The following SLC25A12 variants were observed in gnomAD, a reference collection of about 807,000 sequenced individuals.
SLC25A12 encodes the protein solute carrier family 25 member 12, also known as electrogenic aspartate/glutamate antiporter SLC25A12, mitochondrial.
A neutral mutation model predicts 83.3 loss-of-function variants in SLC25A12; 32 were observed. The observed-to-expected ratio is 0.38, with a 90% CI of 0.29 to 0.52. The LOEUF is 0.52. Ranked by LOEUF, SLC25A12 falls within the 20% of genes least tolerant of loss-of-function variation. The pLI is 0.84. For synonymous variants in SLC25A12, 267 were observed against 291.1 expected (o/e 0.92, Z 0.84); for missense variants, 611 against 835.6 (o/e 0.73, Z 3.31).
At chr2:171,820,248 C>T (rs188584754) in intron 9 of SLC25A12, among the ~76,000 whole-genome samples, 2,624 of 149,270 alleles carry the variant, frequency 0.018, 24 homozygotes, top group Admixed American at 0.025. Context: ...CTTAATAATT[C>T]TAATGATGTT....
At chr2:171,871,611 T>C (rs773928787) in intron 2 of SLC25A12, 31 of 531,712 alleles carry the variant, frequency 5.8e-5, no homozygotes, top group Non-Finnish European at 7.5e-5. Flanking sequence ...TGAGCCACCG[T>C]GCCGGGCCCT....
rs563508643 is a variant in SLC25A12, at chr2:171,833,422, G to C, written c.845+541C>G. On this transcript the variant is annotated intron_variant, in intron 8 of 17. Transcript: ENST00000422440. ...AGCAGATGTAACAGAGGAGAAGAAA[G>C]AAACACAGGGTCTGGACACAGGGAG... Among the ~76,000 whole-genome samples the C allele has an allele frequency of 2.6e-5, 4 of 152,150 alleles. No individual in the cohort carries two copies. In the East Asian group the frequency reaches 7.8e-4, roughly 30 times the overall value.
chr2:171,867,339 C>G (rs1685354089), intron 3 of SLC25A12, among the ~76,000 whole-genome samples: 1 of 151,806 alleles, frequency 6.6e-6, no homozygotes, highest in African/African-American at 2.4e-5. Context: ...CCAGCCTGGG[C>G]ACCATTGAGC....
At position 171,785,382 on chromosome 2, in the gene SLC25A12, T is replaced by C; in HGVS notation, c.1929A>G (p.Thr643=). 1 of 1,614,220 alleles carries C rather than the reference T, an allele frequency of 6.2e-7. No homozygotes were observed. The highest frequency in any genetic ancestry group is 8.5e-7 in the Non-Finnish European group (1 of 1,180,042). The change falls in exon 18 of 18, where the codon ACA becomes ACG. Residue 643 remains threonine (T), a synonymous_variant. Coordinates refer to ENST00000422440, the MANE Select transcript of SLC25A12 (RefSeq NM_003705.5). ...TGTTTTCGATGCCTGCAAACGTGGCTGTGGCGAGTCTGTATCCACCGATGT... is the reference window on the plus strand; with the variant it reads ...TGTTTTCGATGCCTGCAAACGTGGCCGTGGCGAGTCTGTATCCACCGATGT... The part of the protein sequence containing the change: ...PDHIGGYRLA[T]ATFAGIENKF...
chr2:171,834,641 A>G, intron 7 of SLC25A12, 86 bp downstream of exon 7: 3 of 1,434,184 alleles, frequency 2.1e-6, no homozygotes, highest in South Asian at 2.3e-5. Flanking sequence ...CTGGCTTTAG[A>G]GTGGTAAGCT....
chr2:171,820,470 T>A (rs1684162760), intron 9 of SLC25A12, among the ~76,000 whole-genome samples: 1 of 151,674 alleles, frequency 6.6e-6, no homozygotes, highest in South Asian at 2.1e-4. Flanking sequence ...GGCTCACGCC[T>A]GTAATCCCAA....
At chr2:171,796,100 C>T (rs1307071798) in intron 13 of SLC25A12, among the ~76,000 whole-genome samples, 1 of 152,134 alleles carries the variant, frequency 6.6e-6, no homozygotes, top group Non-Finnish European at 1.5e-5. Context: ...CGTGCACCAC[C>T]ACGCCCAGCT....
intron 13 of SLC25A12, 73 bp downstream of exon 13, chr2:171,809,533 A>T: frequency 9.1e-7 from 1 of 1,097,332 alleles, no homozygotes; most frequent in Non-Finnish European, 1.4e-6. Context: ...TGCCACTAAG[A>T]TATCTATTAT....
chr2:171,833,861 C>T, intron 8 of SLC25A12, 102 bp downstream of exon 8: 2 of 737,000 alleles, frequency 2.7e-6, no homozygotes, highest in East Asian at 2.6e-5. Context: ...TATTCAAATA[C>T]ATGGAAAAAA....
At chr2:171,804,895 G>C (rs1683790701) in intron 13 of SLC25A12, among the ~76,000 whole-genome samples, 2 of 152,300 alleles carry the variant, frequency 1.3e-5, no homozygotes, top group South Asian at 4.1e-4. Flanking sequence ...CAATACAGTT[G>C]CCTAGATCTT....
At chr2:171,833,100 T>C (rs1684477478) in intron 8 of SLC25A12, among the ~76,000 whole-genome samples, 1 of 152,150 alleles carries the variant, frequency 6.6e-6, no homozygotes, top group Non-Finnish European at 1.5e-5. Context: ...TCTTCTCACC[T>C]AGAGACGATT....
At chr2:171,792,509 G>C (rs1574674769) in intron 14 of SLC25A12, among the ~76,000 whole-genome samples, 2 of 149,814 alleles carry the variant, frequency 1.3e-5, no homozygotes. Context: ...ATTTTGCCCT[G>C]GCTGGTCTTG....
At chr2:171,892,914 T>C (rs1416872161) in intron 2 of SLC25A12, among the ~76,000 whole-genome samples, 3 of 152,330 alleles carry the variant, frequency 2.0e-5, no homozygotes, top group Admixed American at 2.0e-4. Context: ...CAATACATTT[T>C]GAAATTTTAT....
At chr2:171,831,769 C>T (rs1408001564) in intron 8 of SLC25A12, among the ~76,000 whole-genome samples, 8 of 151,952 alleles carry the variant, frequency 5.3e-5, no homozygotes, top group Admixed American at 1.3e-4. Context: ...CATAGTGGTA[C>T]GCACCTGTAG....
At position 171,791,585 on chromosome 2, in the gene SLC25A12, G is replaced by A; in HGVS notation, c.1451C>T (p.Ala484Val). The change falls in exon 15 of 18, where the codon GCC becomes GTC. Residue 484 changes from alanine to valine, a missense_variant. Around this residue, in one of 3 missense-constraint regions of SLC25A12, gnomAD observed 540 missense variants for 777.5 expected, o/e 0.69. Transcript: ENST00000422440. ...DLGIFGLYKG[A>V]KACFLRDIPF... ...AATGTCTCGGAGGAAACACGCTTTG[G>A]CACCCTGTCACACAGTGAGGAAATA... 1 of 1,613,828 alleles carries A rather than the reference G, an allele frequency of 6.2e-7. No individual in the cohort carries two copies. The highest frequency in any genetic ancestry group is 8.5e-7 in the Non-Finnish European group (1 of 1,179,768).
At chr2:171,829,223 GA>G (rs1303649143) in intron 8 of SLC25A12, among the ~76,000 whole-genome samples, 1 of 152,092 alleles carries the variant, frequency 6.6e-6, no homozygotes, top group East Asian at 1.9e-4. Flanking sequence ...GGAGTCAATG[GA>G]AGTCTTAATT....
chr2:171,877,235 G>A (rs1685591459), intron 2 of SLC25A12, among the ~76,000 whole-genome samples: 1 of 152,170 alleles, frequency 6.6e-6, no homozygotes, highest in African/African-American at 2.4e-5. Context: ...AGCTCCAAAT[G>A]AGAAGATCAT....
chr2:171,854,457 T>G (rs145948659), intron 4 of SLC25A12, among the ~76,000 whole-genome samples: 1 of 151,884 alleles, frequency 6.6e-6, no homozygotes, highest in Admixed American at 6.6e-5. Flanking sequence ...ATCCCAGCTA[T>G]TCGGGAGGCT....
intron 2 of SLC25A12, among the ~76,000 whole-genome samples, chr2:171,885,030 G>C (rs556393746): frequency 6.6e-6 from 1 of 151,976 alleles, no homozygotes; most frequent in South Asian, 2.1e-4. Flanking sequence ...TGGCTAACAC[G>C]GTGAAACCCT....
Sources: gnomAD v4.1 joint callset for allele counts (sites outside exome capture counted in the v4.1 genomes callset) on GRCh38, gnomAD v4.1.1 for gene constraint, gnomAD v4.1.1 regional missense constraint, MANE v1.5 for transcripts, NCBI Gene and HGNC (gene_info 2026-07-23, HGNC 2026-07-21) for gene names.